Variants in IDO2 observed in about 807,000 individuals in gnomAD.
IDO2 encodes indoleamine 2,3-dioxygenase-like 1 protein.
In IDO2, 46 loss-of-function variants were observed where a neutral mutation model predicts 45.1. The ratio of observed to expected loss-of-function variants is 1.02; its 90% CI spans 0.80 to 1.30. IDO2 has a LOEUF of 1.30. Ranked by LOEUF, IDO2 falls within the 50% of genes most tolerant of loss-of-function variation. IDO2 has a pLI of 0.00. For synonymous variants in IDO2, 218 were observed against 184.9 expected (o/e 1.18, Z -1.45); for missense variants, 544 against 491.8 (o/e 1.11, Z -1.00).
chr8:39,998,650 T>C (rs900055240), intron 8 of IDO2, among the ~76,000 whole-genome samples: 1 of 144,920 alleles, frequency 6.9e-6, no homozygotes, highest in East Asian at 2.4e-4. Context: ...TTTTTTTTTT[T>C]TTTTTTTTTT....
chr8:39,963,837 C>G (rs1808037557), intron 3 of IDO2, 134 bp downstream of exon 3: 1 of 566,510 alleles, frequency 1.8e-6, no homozygotes, highest in Non-Finnish European at 3.1e-6. Context: ...AAAGCTATAT[C>G]TTCCTTCCTG....
intron 5 of IDO2, among the ~76,000 whole-genome samples, chr8:39,983,814 G>T (rs148157990): frequency 6.6e-6 from 1 of 151,754 alleles, no homozygotes; most frequent in African/African-American, 2.4e-5. Flanking sequence ...TGCAGTGAGC[G>T]AAATCATGCC....
chr8:39,973,908 AT>A (rs1808219964), intron 3 of IDO2, among the ~76,000 whole-genome samples: 1 of 151,856 alleles, frequency 6.6e-6, no homozygotes, highest in African/African-American at 2.4e-5. Flanking sequence ...CGCCCAGCTA[AT>A]TTTTTATATT....
At chr8:39,970,535 G>A (rs1302235757) in intron 3 of IDO2, among the ~76,000 whole-genome samples, 1 of 152,136 alleles carries the variant, frequency 6.6e-6, no homozygotes, top group Non-Finnish European at 1.5e-5. Flanking sequence ...GGGATTACAG[G>A]CATCTGCCAC....
chr8:40,000,063 G>C (rs1307971123), intron 8 of IDO2, among the ~76,000 whole-genome samples: 1 of 152,112 alleles, frequency 6.6e-6, no homozygotes, highest in Non-Finnish European at 1.5e-5. Context: ...ATTTTTTAAA[G>C]ACTTATTTAA....
At chr8:39,960,128 C>T (rs868308007) in intron 2 of IDO2, among the ~76,000 whole-genome samples, 1 of 152,158 alleles carries the variant, frequency 6.6e-6, no homozygotes. Context: ...CTATACTACT[C>T]CAAATTTACA....
intron 5 of IDO2, 82 bp from the exon 6 acceptor site, chr8:39,985,426 T>C: frequency 8.1e-7 from 1 of 1,236,848 alleles, no homozygotes; most frequent in Non-Finnish European, 1.2e-6. Flanking sequence ...CTAGAAGTTA[T>C]TAATATATCT....
At chr8:40,007,990 G>C (rs1159236156) in intron 9 of IDO2, among the ~76,000 whole-genome samples, 4 of 150,762 alleles carry the variant, frequency 2.7e-5, no homozygotes, top group Admixed American at 6.6e-5. Context: ...TCAGCTTCTT[G>C]AGGCATCCAG....
intron 3 of IDO2, among the ~76,000 whole-genome samples, chr8:39,970,418 G>T (rs998677933): frequency 6.6e-6 from 1 of 152,170 alleles, no homozygotes; most frequent in Non-Finnish European, 1.5e-5. Context: ...TTGAGACAAA[G>T]TCTTGCTCTG....
At chr8:39,961,284 GT>G (rs1807993164) in intron 2 of IDO2, among the ~76,000 whole-genome samples, 1 of 142,626 alleles carries the variant, frequency 7.0e-6, no homozygotes, top group Non-Finnish European at 1.5e-5. Context: ...ACAATATAGG[GT>G]TTTTACTGTA....
In IDO2 at chr8:39,992,966, G is replaced by A. The variant is rs377433357; in HGVS notation, c.667+3128G>A. 6.6e-5 allele frequency among the ~76,000 whole-genome samples: 10 copies of A among 151,994 alleles called. No homozygotes were observed. In the East Asian group the frequency reaches 9.6e-4, roughly 15 times the overall value. On this transcript the variant is annotated intron_variant, in intron 8 of 10. Coordinates refer to ENST00000502986, the Ensembl canonical transcript of IDO2. ...CCAGCTTTTCTCAGTTTTGTAAAGC[G>A]CTCACTTCTGAGTGGAAGACAGAAC...
chr8:39,958,654 A>G (rs1214094750), intron 2 of IDO2, among the ~76,000 whole-genome samples: 1 of 151,940 alleles, frequency 6.6e-6, no homozygotes, highest in Non-Finnish European at 1.5e-5. Context: ...TTTCACCATG[A>G]TGGCCAGGCT....
exon 7 of IDO2, chr8:39,987,892 A>G (rs1808448300): frequency 1.9e-6 from 3 of 1,609,426 alleles, no homozygotes; most frequent in Non-Finnish European, 2.5e-6. Context: ...CCATCATCTC[A>G]TTTCCTGGGG....
At chr8:39,969,219 T>G (rs1808144450) in intron 3 of IDO2, among the ~76,000 whole-genome samples, 1 of 152,204 alleles carries the variant, frequency 6.6e-6, no homozygotes, top group East Asian at 1.9e-4. Context: ...TCAACCCCAT[T>G]TTTCCAATAG....
chr8:40,010,473 C>T (rs1240490318), intron 9 of IDO2, among the ~76,000 whole-genome samples: 34 of 152,118 alleles, frequency 2.2e-4, no homozygotes. Context: ...TGTGATCTGC[C>T]TTCAGTTGCA....
chr8:39,992,372 C>T (rs1801951591), intron 8 of IDO2, among the ~76,000 whole-genome samples: 1 of 152,144 alleles, frequency 6.6e-6, no homozygotes, highest in South Asian at 2.1e-4. Flanking sequence ...TGGCTTCTGC[C>T]CAGGAGTGAA....
chr8:39,983,360 T>C (rs1371229859), intron 5 of IDO2, among the ~76,000 whole-genome samples: 1 of 152,192 alleles, frequency 6.6e-6, no homozygotes, highest in Non-Finnish European at 1.5e-5. Context: ...ATGTTAAATT[T>C]TCCTTTCACC....
intron 9 of IDO2, 132 bp from the exon 10 acceptor site, chr8:40,013,433 C>A: frequency 3.6e-6 from 3 of 834,312 alleles, no homozygotes; most frequent in Non-Finnish European, 5.7e-6. Flanking sequence ...TACAAAGATA[C>A]CCCCAATCCC....
Position 39,949,280 on chromosome 8 carries a change from T to G in IDO2, c.99+16T>G. 6.4e-7 allele frequency: 1 copy of G among 1,561,044 alleles called. No individual in the cohort carries two copies. The highest frequency in any genetic ancestry group is 1.2e-5 in the South Asian group (1 of 85,204). ...AGATTCTCTGGTAAGGATAGAGCCTTGGTAAGGATAGGTCAGAATATGTTT... is the reference window on the plus strand; with the variant it reads ...AGATTCTCTGGTAAGGATAGAGCCTGGGTAAGGATAGGTCAGAATATGTTT... On this transcript the variant is annotated intron_variant, in intron 2 of 10. Transcript: ENST00000502986.
Sources: gnomAD v4.1 joint callset for allele counts (sites outside exome capture counted in the v4.1 genomes callset) on GRCh38, gnomAD v4.1.1 for gene constraint, MANE v1.5 for transcripts, NCBI Gene and HGNC (gene_info 2026-07-23, HGNC 2026-07-21) for gene names.